Variants in PTPRD observed in about 807,000 individuals in gnomAD.
The protein encoded by PTPRD is protein tyrosine phosphatase receptor type D, also known as receptor-type tyrosine-protein phosphatase delta.
A neutral mutation model predicts 214.5 loss-of-function variants in PTPRD; 34 were observed. The ratio of observed to expected loss-of-function variants is 0.16; its 90% CI spans 0.12 to 0.21. PTPRD has a LOEUF of 0.21. PTPRD is among the 10% of genes least tolerant of loss of function. The pLI is 1.00. For missense variants in PTPRD, 2,545 were observed against 2,398.7 expected (o/e 1.06, Z -1.27); for synonymous variants, 1,128 against 845.7 (o/e 1.33, Z -5.79).
chr9:8,573,756 T>C (rs1001270104), intron 14 of PTPRD, among the ~76,000 whole-genome samples: 4 of 151,974 alleles, frequency 2.6e-5, no homozygotes, highest in Non-Finnish European at 5.9e-5. Context: ...GGAGTATTTA[T>C]GGAACATTAC....
chr9:8,759,921 A>G (rs1275213385), intron 11 of PTPRD, among the ~76,000 whole-genome samples: 2 of 152,192 alleles, frequency 1.3e-5, no homozygotes, highest in Non-Finnish European at 2.9e-5. Flanking sequence ...TCTAACTGAC[A>G]GGACCTATCC....
At chr9:9,288,807 A>G (rs371766745) in intron 9 of PTPRD, among the ~76,000 whole-genome samples, 17 of 151,970 alleles carry the variant, frequency 1.1e-4, no homozygotes, top group African/African-American at 4.1e-4. Flanking sequence ...TCATGGGGGC[A>G]GTTACCCTCG....
intron 7 of PTPRD, among the ~76,000 whole-genome samples, chr9:9,680,954 G>A (rs1194760989): frequency 3.3e-5 from 5 of 151,614 alleles, no homozygotes; most frequent in African/African-American, 4.8e-5. Flanking sequence ...CAATCTTCAC[G>A]AATATATCAC....
chr9:8,822,157 G>A (rs1277501360), intron 11 of PTPRD, among the ~76,000 whole-genome samples: 13 of 152,110 alleles, frequency 8.5e-5, no homozygotes, highest in Admixed American at 8.5e-4. Context: ...AAATGCACAA[G>A]GGGCTACACC....
chr9:8,971,054 T>C (rs1160607455), intron 11 of PTPRD, among the ~76,000 whole-genome samples: 2 of 148,936 alleles, frequency 1.3e-5, no homozygotes, highest in African/African-American at 5.2e-5. Flanking sequence ...GAAACAAATA[T>C]CAAACTGTCA....
At chr9:9,784,427 T>G (rs910174851) in intron 5 of PTPRD, among the ~76,000 whole-genome samples, 1 of 152,052 alleles carries the variant, frequency 6.6e-6, no homozygotes, top group African/African-American at 2.4e-5. Context: ...ACAATTATAC[T>G]GAAGGAAAAA....
intron 9 of PTPRD, among the ~76,000 whole-genome samples, chr9:9,237,706 G>C (rs946957248): frequency 2.0e-5 from 3 of 151,944 alleles, no homozygotes; most frequent in Non-Finnish European, 2.9e-5. Flanking sequence ...ATAAATTTTT[G>C]TAGGCCTCTC....
intron 3 of PTPRD, among the ~76,000 whole-genome samples, chr9:10,315,071 G>C (rs774436120): frequency 6.6e-6 from 1 of 152,050 alleles, no homozygotes; most frequent in African/African-American, 2.4e-5. Context: ...AAGAGAAATA[G>C]CAAGTTGACA....
intron 9 of PTPRD, among the ~76,000 whole-genome samples, chr9:9,213,197 C>G (rs1008865609): frequency 4.6e-5 from 7 of 152,202 alleles, no homozygotes; most frequent in African/African-American, 1.7e-4. Context: ...GATCTTGTTG[C>G]AGAGAATTGA....
At chr9:9,959,708 C>T (rs961399382) in intron 4 of PTPRD, among the ~76,000 whole-genome samples, 3 of 152,040 alleles carry the variant, frequency 2.0e-5, no homozygotes, top group African/African-American at 4.8e-5. Context: ...AGTTGTTTTC[C>T]ACAGGGTACA....
intron 3 of PTPRD, among the ~76,000 whole-genome samples, chr9:10,071,015 T>C (rs934287120): frequency 6.6e-6 from 1 of 152,034 alleles, no homozygotes; most frequent in African/African-American, 2.4e-5. Flanking sequence ...AAGAAAAGAT[T>C]ATGATAGTAC....
chr9:9,145,961 T>C (rs554628596), intron 10 of PTPRD, among the ~76,000 whole-genome samples: 1 of 152,336 alleles, frequency 6.6e-6, no homozygotes, highest in Non-Finnish European at 1.5e-5. Flanking sequence ...AAGATGTCCT[T>C]CATGAAGAAC....
At chr9:10,249,142 T>C (rs1806718313) in intron 3 of PTPRD, among the ~76,000 whole-genome samples, 2 of 152,136 alleles carry the variant, frequency 1.3e-5, no homozygotes, top group Admixed American at 6.6e-5. Context: ...CTAAAAGTGA[T>C]TTTGAGACAT....
At chr9:9,318,855 T>C (rs1217144349) in intron 9 of PTPRD, among the ~76,000 whole-genome samples, 1 of 152,174 alleles carries the variant, frequency 6.6e-6, no homozygotes, top group South Asian at 2.1e-4. Context: ...ATAATCAAAG[T>C]GGATAAACTC....
chr9:8,694,263 A>G (rs1565337553), intron 12 of PTPRD, among the ~76,000 whole-genome samples: 1 of 152,202 alleles, frequency 6.6e-6, no homozygotes, highest in Non-Finnish European at 1.5e-5. Flanking sequence ...ATATGAATAG[A>G]AAATAGCCAT....
intron 3 of PTPRD, among the ~76,000 whole-genome samples, chr9:10,321,542 C>A (rs546181508): frequency 6.6e-6 from 1 of 151,914 alleles, no homozygotes; most frequent in Non-Finnish European, 1.5e-5. Context: ...GGTTGATTGT[C>A]TGAGTATAGA....
chr9:9,659,169 G>T (rs1201018330), intron 7 of PTPRD, among the ~76,000 whole-genome samples: 1 of 152,036 alleles, frequency 6.6e-6, no homozygotes, highest in Non-Finnish European at 1.5e-5. Flanking sequence ...TTAGTTACAA[G>T]TGAGGTGGAA....
chr9:8,504,359 A>C lies in PTPRD; in HGVS notation c.1724T>G (p.Leu575Arg), dbSNP rs2097490597. The stretch of plus-strand genomic sequence containing the variant: ...GAAATAGTATAAGCTGTTTGGTTTC[A>C]GTCCTTGCAGCCTATATGATGTCCC... ...EPGTSYRLQGLKPNSLYYFRL... is the reference protein window; with the variant it reads ...EPGTSYRLQGRKPNSLYYFRL... Residue 575 changes from leucine (L) to arginine (R), a missense_variant, in exon 23 of 46, where the codon CTG (leucine) becomes CGG (arginine). By Grantham distance (102) the Leu-to-Arg change is moderately radical. Coordinates refer to ENST00000381196, the MANE Select transcript of PTPRD (RefSeq NM_002839.4). 2 of 1,614,200 alleles carry C rather than the reference A, an allele frequency of 1.2e-6. No individual in the cohort carries two copies. The highest frequency in any genetic ancestry group is 1.7e-6 in the Non-Finnish European group (2 of 1,180,000).
intron 3 of PTPRD, among the ~76,000 whole-genome samples, chr9:10,094,449 A>G (rs2098462925): frequency 6.6e-6 from 1 of 150,970 alleles, no homozygotes; most frequent in Non-Finnish European, 1.5e-5. Context: ...ACAATCATTT[A>G]TGTCTTAATT....
Sources: allele counts gnomAD v4.1 joint callset (sites outside exome capture counted in the v4.1 genomes callset), GRCh38; gene constraint gnomAD v4.1.1; transcripts MANE v1.5; gene names NCBI Gene and HGNC (gene_info 2026-07-23, HGNC 2026-07-21).